NTRK3: variants seen among roughly 807,000 people sequenced by gnomAD.
NTRK3 encodes the protein NT-3 growth factor receptor.
NTRK3 carries 24 observed loss-of-function variants against 91.7 expected under a neutral mutation model. The observed-to-expected ratio is 0.26, with a 90% CI of 0.19 to 0.37. The LOEUF is 0.37. Among genes scored for constraint, NTRK3 ranks in the 10% least tolerant of loss-of-function variants. The probability of loss-of-function intolerance (pLI) is 1.00; values close to 1 mark genes in which losing one functional copy is unlikely to be tolerated. For missense variants in NTRK3, 880 were observed against 1,068.9 expected (o/e 0.82, Z 2.46); for synonymous variants, 483 against 404.0 (o/e 1.20, Z -2.34).
intron 13 of NTRK3, among the ~76,000 whole-genome samples, chr15:88,095,889 C>T (rs933656948): frequency 9.9e-5 from 15 of 152,200 alleles, no homozygotes; most frequent in Non-Finnish European, 2.9e-5. Flanking sequence ...ATTATCAAAA[C>T]CAGGAAATCA....
intron 13 of NTRK3, among the ~76,000 whole-genome samples, chr15:88,093,081 T>G (rs1172036270): frequency 2.0e-5 from 3 of 151,402 alleles, no homozygotes; most frequent in Admixed American, 6.6e-5. Context: ...TTTGTTTTTT[T>G]TTTTTTGTTG....
At position 87,940,617 on chromosome 15, in the gene NTRK3, G is replaced by A; in HGVS notation, c.1716+6C>T. On this transcript the variant is annotated splice_donor_region_variant and intron_variant, in intron 15 of 18. Coordinates refer to ENST00000394480, the Ensembl canonical transcript of NTRK3. ...CTCCTGGTGCCGGCATGCCTCTGGG[G>A]TTTACCTTCACAGCCACAAGCATCT... 6.2e-7 allele frequency: 1 copy of A among 1,613,562 alleles called. No homozygotes were observed. Among genetic ancestry groups the A allele is most frequent in the Non-Finnish European group, 8.5e-7 (1 of 1,180,028 alleles).
intron 14 of NTRK3, among the ~76,000 whole-genome samples, chr15:88,004,080 T>C (rs1317919742): frequency 6.6e-6 from 1 of 152,136 alleles, no homozygotes; most frequent in Non-Finnish European, 1.5e-5. Context: ...GCCTCTGACT[T>C]GATTCTAGGC....
At chr15:87,878,140 AG>A (rs1294912479) in intron 18 of NTRK3, among the ~76,000 whole-genome samples, 2 of 152,212 alleles carry the variant, frequency 1.3e-5, no homozygotes, top group Non-Finnish European at 2.9e-5. Flanking sequence ...ACTTTGGTCA[AG>A]TCACTGACCC....
intron 14 of NTRK3, among the ~76,000 whole-genome samples, chr15:87,961,228 C>G (rs190346161): frequency 2.6e-4 from 39 of 152,338 alleles, no homozygotes; most frequent in Admixed American, 2.4e-3. Context: ...TCCCTGTGCA[C>G]AGCCATCTCC....
intron 17 of NTRK3, among the ~76,000 whole-genome samples, chr15:87,925,237 C>G (rs2068193132): frequency 6.6e-6 from 1 of 152,106 alleles, no homozygotes; most frequent in Non-Finnish European, 1.5e-5. Context: ...TGTTTTCTCT[C>G]TCTAAATGTG....
At chr15:87,981,074 T>C in intron 14 of NTRK3, 1 of 1,237,728 alleles carries the variant, frequency 8.1e-7, no homozygotes. Flanking sequence ...ATTTAAGGGA[T>C]TTTTTTAGTA....
chr15:87,871,827 A>C lies in NTRK3; in HGVS notation c.*5108T>G, dbSNP rs145368957. 1.9e-3 allele frequency: 418 copies of C among 221,106 alleles called. 5 individuals are homozygous for C. The highest frequency in any genetic ancestry group is 0.011 in the South Asian group (60 of 5,416). The allele number at this position is 221,106 out of a possible 1,614,324, so 13.7% of individuals were successfully genotyped here. Reference sequence around the variant, plus strand: ...ATAGAAATAAACACACAACGTACATATATGTATACTTTCTTTAGAAGACAC... The same window carrying C: ...ATAGAAATAAACACACAACGTACATCTATGTATACTTTCTTTAGAAGACAC... On this transcript the variant is annotated 3_prime_UTR_variant, in exon 19 of 19. Transcript: ENST00000394480.
intron 14 of NTRK3, among the ~76,000 whole-genome samples, chr15:87,963,061 A>C (rs989786646): frequency 1.3e-5 from 2 of 152,206 alleles, no homozygotes; most frequent in Non-Finnish European, 2.9e-5. Context: ...GGTCTGAAGC[A>C]ATAATGTTTC....
intron 5 of NTRK3, 95 bp downstream of exon 5, chr15:88,183,323 G>A (rs902437522): frequency 2.3e-6 from 3 of 1,277,830 alleles, no homozygotes; most frequent in Admixed American, 1.7e-5. Context: ...AGCCCCTGGA[G>A]GCAAAAAGCC....
intron 17 of NTRK3, among the ~76,000 whole-genome samples, chr15:87,898,823 TAAAAAAA>T (rs34425235): frequency 9.6e-6 from 1 of 103,986 alleles, no homozygotes; most frequent in South Asian, 3.6e-4. Context: ...CTGTCTCTAC[TAAAAAAA>T]AAAAAAAAAA....
At chr15:88,187,690 T>C (rs980048922) in intron 3 of NTRK3, among the ~76,000 whole-genome samples, 10 of 152,156 alleles carry the variant, frequency 6.6e-5, no homozygotes, top group African/African-American at 2.2e-4. Context: ...AAAACAGACT[T>C]TGCGAGGCTG....
At chr15:87,871,523 G>A (rs2064827056) in exon 19 of NTRK3, 1 of 230,440 alleles carries the variant, frequency 4.3e-6, no homozygotes, top group Non-Finnish European at 8.6e-6. Flanking sequence ...AATAAGATGT[G>A]ATAGAAATGA....
At chr15:88,225,295 T>G (rs1567677798) in intron 3 of NTRK3, among the ~76,000 whole-genome samples, 1 of 152,172 alleles carries the variant, frequency 6.6e-6, no homozygotes, top group Non-Finnish European at 1.5e-5. Context: ...GCACAAATAC[T>G]GGGCTTAAGC....
chr15:88,183,331 G>C (rs1465585775), intron 5 of NTRK3, 87 bp downstream of exon 5: 9 of 1,397,878 alleles, frequency 6.4e-6, no homozygotes, highest in East Asian at 4.6e-5. Context: ...GAGGCAAAAA[G>C]CCAGGTCTAG....
intron 13 of NTRK3, among the ~76,000 whole-genome samples, chr15:88,068,049 T>C (rs1597111011): frequency 1.3e-5 from 2 of 152,178 alleles, no homozygotes; most frequent in South Asian, 4.1e-4. Context: ...ATAGAGTGGA[T>C]ACTGGGCAAA....
intron 5 of NTRK3, among the ~76,000 whole-genome samples, chr15:88,150,263 G>A (rs1245526122): frequency 1.3e-5 from 2 of 152,216 alleles, no homozygotes; most frequent in South Asian, 2.1e-4. Flanking sequence ...CCTGCCAGGA[G>A]TCCTGGGGAA....
At chr15:88,132,093 G>A (rs948938991) in intron 10 of NTRK3, 2 of 185,082 alleles carry the variant, frequency 1.1e-5, no homozygotes, top group Non-Finnish European at 2.3e-5. Context: ...CAATTTGCCT[G>A]ACGTCACAGA....
Position 88,256,608 on chromosome 15 carries a change from C to A in NTRK3, c.-219+36G>T, listed in dbSNP as rs2054079121. On this transcript the variant is annotated intron_variant, in intron 1 of 18. Transcript: ENST00000394480. ...TTAAAACGGACACACCACGCACCTG[C>A]AAAACACACACACTCACTCTCACAC... 8.5e-6 allele frequency: 4 copies of A among 472,618 alleles called. No individual in the cohort carries two copies. The South Asian group carries it at 2.2e-4, about 26-fold the overall frequency. 29.3% of individuals were successfully genotyped at this position (472,618 alleles called of 1,614,324 possible). A position where few individuals can be genotyped will look rare whatever the true frequency, so the allele number is the denominator to read the frequency against.
Sources: gnomAD v4.1 joint callset for allele counts (sites outside exome capture counted in the v4.1 genomes callset) on GRCh38, gnomAD v4.1.1 for gene constraint, MANE v1.5 for transcripts, NCBI Gene and HGNC (gene_info 2026-07-23, HGNC 2026-07-21) for gene names.